SHB: variants seen among roughly 807,000 people sequenced by gnomAD.
SHB encodes the protein SH2 domain containing adaptor protein B.
Under a neutral mutation model 52.3 loss-of-function variants are expected in SHB, and 20 were observed. The observed-to-expected ratio is 0.38, with a 90% CI of 0.27 to 0.56. The LOEUF is 0.56. Among genes scored for constraint, SHB ranks in the 20% least tolerant of loss-of-function variants. The probability of loss-of-function intolerance (pLI) is 0.71; values close to 1 mark genes in which losing one functional copy is unlikely to be tolerated. For synonymous variants in SHB, 397 were observed against 316.5 expected (o/e 1.25, Z -2.70); for missense variants, 825 against 723.3 (o/e 1.14, Z -1.61).
Position 37,916,348 on chromosome 9 carries a change from C to G in SHB, c.*3473G>C, listed in dbSNP as rs909041988. Among the ~76,000 whole-genome samples the G allele has an allele frequency of 6.6e-6, 1 of 152,236 alleles. No homozygotes were observed. The highest frequency in any genetic ancestry group is 2.1e-4 in the South Asian group (1 of 4,836). On this transcript the variant is annotated 3_prime_UTR_variant, in exon 6 of 6. Transcript: ENST00000377707. ...GGCAGGGCTTCTACCTGCACAGTCC[C>G]TAGGGCTGCAAGAGCAAATGGGGAC... is the stretch of plus-strand genomic sequence containing the variant.
intron 3 of SHB, among the ~76,000 whole-genome samples, chr9:37,964,795 C>T (rs1359954483): frequency 6.6e-6 from 1 of 152,128 alleles, no homozygotes; most frequent in Non-Finnish European, 1.5e-5. Flanking sequence ...TGCATAGTAC[C>T]GCCCCCACTG....
intron 2 of SHB, among the ~76,000 whole-genome samples, chr9:37,976,989 T>A (rs1820664601): frequency 6.6e-6 from 1 of 152,192 alleles, no homozygotes; most frequent in South Asian, 2.1e-4. Flanking sequence ...CCTGTGATCA[T>A]TAGTGTTTAC....
At chr9:38,005,693 T>C (rs1356339485) in intron 2 of SHB, among the ~76,000 whole-genome samples, 1 of 152,218 alleles carries the variant, frequency 6.6e-6, no homozygotes, top group Admixed American at 6.5e-5. Flanking sequence ...GTCATCTCTG[T>C]AAGTTTCCAG....
chr9:38,030,323 A>G (rs1821398004), intron 1 of SHB, among the ~76,000 whole-genome samples: 1 of 152,196 alleles, frequency 6.6e-6, no homozygotes, highest in Non-Finnish European at 1.5e-5. Context: ...CGACACAGCA[A>G]AATGAGCCCA....
At chr9:38,061,263 A>G (rs1004637455) in intron 1 of SHB, among the ~76,000 whole-genome samples, 4 of 151,564 alleles carry the variant, frequency 2.6e-5, no homozygotes, top group African/African-American at 9.7e-5. Context: ...AGTGAGCTGT[A>G]ATCGTGCCAC....
intron 1 of SHB, among the ~76,000 whole-genome samples, chr9:38,030,171 T>C (rs746545684): frequency 2.6e-5 from 4 of 152,166 alleles, no homozygotes; most frequent in Non-Finnish European, 5.9e-5. Context: ...CAGCTGCTGC[T>C]CCCAGTCAGA....
intron 2 of SHB, among the ~76,000 whole-genome samples, chr9:37,994,348 T>C (rs937303867): frequency 5.9e-5 from 9 of 152,182 alleles, no homozygotes; most frequent in Admixed American, 2.6e-4. Context: ...TTCTCTTCTG[T>C]CCCATCCCTC....
At chr9:38,044,573 A>T (rs935747983) in intron 1 of SHB, among the ~76,000 whole-genome samples, 2 of 152,212 alleles carry the variant, frequency 1.3e-5, no homozygotes. Context: ...CCTGCCACTG[A>T]GGAGAATCAA....
At chr9:37,928,932 G>C (rs1564080961) in intron 5 of SHB, among the ~76,000 whole-genome samples, 1 of 152,274 alleles carries the variant, frequency 6.6e-6, no homozygotes, top group Non-Finnish European at 1.5e-5. Flanking sequence ...GCTGGGCCAA[G>C]GCAGCCTCGG....
chr9:38,021,372 G>A (rs1450550032), intron 1 of SHB, among the ~76,000 whole-genome samples: 1 of 150,290 alleles, frequency 6.7e-6, no homozygotes, highest in East Asian at 2.0e-4. Flanking sequence ...AAAGAATGAT[G>A]AGGCTGGGCA....
rs781604478 is a variant in SHB at position 37,918,890 on chromosome 9, A to C, written c.*931T>G. Among the ~76,000 whole-genome samples the C allele has an allele frequency of 3.9e-5, 6 of 152,154 alleles. No individual in the cohort carries two copies. The highest frequency in any genetic ancestry group is 5.9e-5 in the Non-Finnish European group (4 of 68,024). On this transcript the variant is annotated 3_prime_UTR_variant, in exon 6 of 6. Transcript: ENST00000377707. ...GGCTCCTGACTATGTCCACTGCTGA[A>C]GCCTGAACTCTGAGCTCTGGGTTGA...
chr9:38,061,267 G>A (rs183407181), intron 1 of SHB, among the ~76,000 whole-genome samples: 124 of 150,396 alleles, frequency 8.2e-4, no homozygotes, highest in African/African-American at 2.9e-3. Context: ...AGCTGTAATC[G>A]TGCCACTCAC....
chr9:37,943,451 C>A (rs894032520), intron 5 of SHB, among the ~76,000 whole-genome samples: 2 of 152,208 alleles, frequency 1.3e-5, no homozygotes, highest in African/African-American at 2.4e-5. Context: ...TGTGAACAAC[C>A]AAGTGCCACA....
chr9:37,957,703 C>T (rs536074628), intron 3 of SHB, among the ~76,000 whole-genome samples: 2 of 152,328 alleles, frequency 1.3e-5, no homozygotes, highest in East Asian at 3.9e-4. Context: ...GACAGAGATA[C>T]CTGCCTTATG....
intron 2 of SHB, among the ~76,000 whole-genome samples, chr9:37,990,431 C>T (rs1336269225): frequency 1.3e-5 from 2 of 152,186 alleles, no homozygotes; most frequent in African/African-American, 4.8e-5. Flanking sequence ...CTGTGATTCC[C>T]ACAGCAGAAC....
At chr9:38,041,501 G>C (rs753960755) in intron 1 of SHB, among the ~76,000 whole-genome samples, 14 of 152,176 alleles carry the variant, frequency 9.2e-5, no homozygotes, top group African/African-American at 3.4e-4. Context: ...GGCTGGATGG[G>C]TGATGGGAAG....
intron 2 of SHB, among the ~76,000 whole-genome samples, chr9:37,975,325 C>T (rs1477065957): frequency 6.6e-6 from 1 of 152,206 alleles, no homozygotes; most frequent in Non-Finnish European, 1.5e-5. Flanking sequence ...AAAGAACCAA[C>T]AAGAGCCTCC....
chr9:38,068,969 G>A lies in SHB; in HGVS notation c.-324C>T, dbSNP rs1260041281. Reference sequence around the variant, plus strand: ...AGCGCTCCACGCCGCGGACCCTTTGGCCGTACGCCCCTCGCCGTGGATCGC... The same window carrying A: ...AGCGCTCCACGCCGCGGACCCTTTGACCGTACGCCCCTCGCCGTGGATCGC... On this transcript the variant is annotated 5_prime_UTR_variant, in exon 1 of 6. Coordinates refer to ENST00000377707, the MANE Select transcript of SHB (RefSeq NM_003028.3). 6.6e-6 allele frequency: 1 copy of A among 151,632 alleles called. No homozygotes were observed. The highest frequency in any genetic ancestry group is 2.0e-4 in the East Asian group (1 of 5,096). 9.4% of individuals were successfully genotyped at this position (151,632 alleles called of 1,614,324 possible).
chr9:38,012,799 T>C (rs952340637), intron 2 of SHB, among the ~76,000 whole-genome samples: 1 of 149,714 alleles, frequency 6.7e-6, no homozygotes, highest in African/African-American at 2.5e-5. Flanking sequence ...TGATGCCCTG[T>C]AACTACAAGT....
Sources: allele counts gnomAD v4.1 joint callset (sites outside exome capture counted in the v4.1 genomes callset), GRCh38; gene constraint gnomAD v4.1.1; transcripts MANE v1.5; gene names NCBI Gene and HGNC (gene_info 2026-07-23, HGNC 2026-07-21).